CEP72: variants seen among roughly 807,000 people sequenced by gnomAD.
CEP72 encodes centrosomal protein of 72 kDa.
Under a neutral mutation model 65.7 loss-of-function variants are expected in CEP72, and 78 were observed. That is an observed-to-expected ratio of 1.19 (90% CI 0.99 to 1.43). CEP72 has a LOEUF of 1.43. Ranked by LOEUF, CEP72 falls within the 40% of genes most tolerant of loss-of-function variation. The pLI is 0.00. For synonymous variants in CEP72, 358 were observed against 351.7 expected (o/e 1.02, Z -0.20); for missense variants, 914 against 832.9 (o/e 1.10, Z -1.20).
At chr5:643,095 T>C (rs556034860) in intron 9 of CEP72, 1 of 979,920 alleles carries the variant, frequency 1.0e-6, no homozygotes, top group East Asian at 1.1e-4. Context: ...ACTCCTGTCA[T>C]CCCAGCTATT....
chr5:641,370 T>C, intron 9 of CEP72: 2 of 985,394 alleles, frequency 2.0e-6, no homozygotes, highest in South Asian at 9.4e-5. Context: ...GATGTGCACA[T>C]CCAGAGGGGC....
At chr5:636,888 A>G (rs974274542) in intron 6 of CEP72, among the ~76,000 whole-genome samples, 11 of 152,002 alleles carry the variant, frequency 7.2e-5, no homozygotes, top group Non-Finnish European at 1.6e-4. Context: ...CTCATGCCCA[A>G]CTGGTGAGAG....
At position 612,416 on chromosome 5, in the gene CEP72, A is replaced by G; in HGVS notation, c.55A>G (p.Ser19Gly). Residue 19 changes from serine (S) to glycine (G), a missense_variant, in exon 1 of 12, where the codon AGC becomes GGC. Physicochemically the swap from Ser to Gly is moderately conservative, Grantham distance 56. Coordinates refer to ENST00000264935, the MANE Select transcript of CEP72 (RefSeq NM_018140.4). ...VLSEEAVRAK[S>G]GLGPHRDLAE... is the part of the protein sequence containing the mutation. ...GAGCGAGGAGGCGGTTCGGGCGAAGAGCGGCTTAGGGCCTCACCGCGACCT... is the reference window on the plus strand; with the variant it reads ...GAGCGAGGAGGCGGTTCGGGCGAAGGGCGGCTTAGGGCCTCACCGCGACCT... 1 of 1,486,134 alleles carries G rather than the reference A, an allele frequency of 6.7e-7. No individual in the cohort carries two copies. Among genetic ancestry groups the G allele is most frequent in the East Asian group, 2.9e-5 (1 of 34,606 alleles). 92.1% of individuals were successfully genotyped at this position (1,486,134 alleles called of 1,614,324 possible).
At chr5:644,524 C>T in intron 10 of CEP72, 99 bp downstream of exon 10, 1 of 1,371,516 alleles carries the variant, frequency 7.3e-7, no homozygotes, top group Non-Finnish European at 1.0e-6. Flanking sequence ...AAGTGAGCAG[C>T]AGCAGACGCA....
downstream of CEP72, among the ~76,000 whole-genome samples, chr5:669,358 G>A (rs1337344083): frequency 2.0e-5 from 3 of 152,178 alleles, no homozygotes; most frequent in Non-Finnish European, 2.9e-5. Context: ...GCCCCTTGAC[G>A]CGCTCGGCGT....
At chr5:649,188 C>A (rs1416386688) in intron 11 of CEP72, among the ~76,000 whole-genome samples, 9 of 122,674 alleles carry the variant, frequency 7.3e-5, no homozygotes, top group Admixed American at 1.6e-4. Flanking sequence ...TGAGGTGTGA[C>A]TGTGAGGTGT....
intron 9 of CEP72, chr5:643,080 G>A (rs1357742197): frequency 1.0e-6 from 1 of 981,724 alleles, no homozygotes. Context: ...TAGGTGTGGT[G>A]GCACACTCCT....
At chr5:612,484 G>T (rs1369390210) in intron 1 of CEP72, 41 bp downstream of exon 1, 21 of 1,368,272 alleles carry the variant, frequency 1.5e-5, no homozygotes, top group Non-Finnish European at 2.0e-5. Context: ...GTGAGGTGGC[G>T]GGGGGGTGGG....
downstream of CEP72, among the ~76,000 whole-genome samples, chr5:672,085 TG>T (rs1740242379): frequency 6.6e-6 from 1 of 152,214 alleles, no homozygotes; most frequent in South Asian, 2.1e-4. Flanking sequence ...TCTCCAAACC[TG>T]GGTCCTGCTC....
the CEP72 span, among the ~76,000 whole-genome samples, chr5:673,118 A>G: frequency 6.6e-6 from 1 of 152,068 alleles, no homozygotes; most frequent in Non-Finnish European, 1.5e-5. Context: ...GGCTCCCACA[A>G]GTGACAGTGG....
At chr5:638,737 C>G (rs550335677) in intron 7 of CEP72, among the ~76,000 whole-genome samples, 2 of 152,284 alleles carry the variant, frequency 1.3e-5, no homozygotes, top group Non-Finnish European at 2.9e-5. Context: ...TGGGTGCAGG[C>G]TGCTTCCTGG....
At position 645,583 on chromosome 5, in the gene CEP72, G is replaced by T. The variant is rs956078086; in HGVS notation, c.1666+1158G>T. On this transcript the variant is annotated intron_variant, in intron 10 of 11. Coordinates refer to ENST00000264935, the MANE Select transcript of CEP72 (RefSeq NM_018140.4). The surrounding 1 kb of genome is among the most constrained non-coding windows in gnomAD (Gnocchi z 4.0). ...ATGCCCCAAAGCTGTGCACGCCAGG[G>T]TGTTGCTGTGTCTGACCTGTCCCAT... Among the ~76,000 whole-genome samples the T allele has an allele frequency of 6.6e-6, 1 of 152,154 alleles. No homozygotes were observed. Among genetic ancestry groups the T allele is most frequent in the Non-Finnish European group, 1.5e-5 (1 of 68,034 alleles).
downstream of CEP72, among the ~76,000 whole-genome samples, chr5:654,297 TGCTGTGTGCTA>T (rs1339096335): frequency 7.4e-5 from 11 of 148,376 alleles, no homozygotes; most frequent in Non-Finnish European, 1.5e-4. Context: ...TGTGTGCAGT[TGCTGTGTGCTA>T]GCTGTGTGTA....
downstream of CEP72, among the ~76,000 whole-genome samples, chr5:655,777 T>G (rs562865774): frequency 7.2e-5 from 11 of 152,362 alleles, no homozygotes; most frequent in African/African-American, 2.4e-4. The surrounding 1 kb of genome is among the most constrained non-coding windows in gnomAD (Gnocchi z 5.0). Context: ...TTCCCTACTT[T>G]TCTATTGGAT....
chr5:665,484 C>T (rs1444123250), intron 3 of CEP72, among the ~76,000 whole-genome samples: 6 of 152,020 alleles, frequency 3.9e-5, no homozygotes, highest in South Asian at 2.1e-4. Context: ...CTTGGGCCTG[C>T]GGGGTGCCAC....
chr5:633,194 C>T (rs1383001397), intron 4 of CEP72, among the ~76,000 whole-genome samples: 4 of 90,240 alleles, frequency 4.4e-5, no homozygotes, highest in Admixed American at 1.1e-4. Context: ...TGTCCAGTGC[C>T]GGGATTTAGA....
At chr5:654,115 G>GTGTGTGTGC (rs1312502455), downstream of CEP72, among the ~76,000 whole-genome samples, 1 of 136,322 alleles carries the variant, frequency 7.3e-6, no homozygotes, top group African/African-American at 3.4e-5. Flanking sequence ...TGCTAGCTGT[G>GTGTGTGTGC]TGTGTGTGCT....
the CEP72 span, among the ~76,000 whole-genome samples, chr5:675,217 G>T: frequency 1.6e-5 from 2 of 128,104 alleles, no homozygotes; most frequent in Admixed American, 7.8e-5. Context: ...TGTAGCCGGG[G>T]GTGCAGTGTG....
At chr5:635,647 T>G (rs1737542953) in intron 6 of CEP72, 63 bp downstream of exon 6, 2 of 1,324,644 alleles carry the variant, frequency 1.5e-6, no homozygotes, top group East Asian at 4.6e-5. Context: ...ACTGAGTAAT[T>G]TATAAAGAAC....
Sources: gnomAD v4.1 joint callset for allele counts (sites outside exome capture counted in the v4.1 genomes callset) on GRCh38, gnomAD v4.1.1 for gene constraint, Gnocchi (gnomAD v3.1) non-coding constraint, MANE v1.5 for transcripts, NCBI Gene and HGNC (gene_info 2026-07-23, HGNC 2026-07-21) for gene names.